LRP6: variants seen among roughly 807,000 people sequenced by gnomAD.
LRP6 encodes the protein LDL receptor related protein 6, also known as low-density lipoprotein receptor-related protein 6.
In LRP6, 43 loss-of-function variants were observed where a neutral mutation model predicts 184.1. The ratio of observed to expected loss-of-function variants is 0.23; its 90% CI spans 0.18 to 0.30. The LOEUF (loss-of-function observed/expected upper bound fraction) is 0.30, where lower values mean the gene tolerates loss of function less well. Ranked by LOEUF, LRP6 falls within the 10% of genes least tolerant of loss-of-function variation. The pLI, the probability that LRP6 is intolerant of heterozygous loss-of-function variation, is 1.00. For missense variants in LRP6, 1,571 were observed against 2,005.3 expected, an observed-to-expected ratio of 0.78 and a Z score of 4.14; for synonymous variants, 719 against 684.9, an observed-to-expected ratio of 1.05 and a Z score of -0.78.
intron 1 of LRP6, among the ~76,000 whole-genome samples, chr12:12,264,543 A>G (rs1406073573): frequency 6.6e-6 from 1 of 152,182 alleles, no homozygotes; most frequent in South Asian, 2.1e-4. Context: ...AAGGTCTCCC[A>G]GACTCTCACA....
chr12:12,205,329 CAAAAAAAAAAAAAAA>C (rs56169717), intron 2 of LRP6, among the ~76,000 whole-genome samples: 4 of 39,106 alleles, frequency 1.0e-4, no homozygotes, highest in East Asian at 1.9e-3. Flanking sequence ...CTCAAACAAA[CAAAAAAAAAAAAAAA>C]AAAAAAAAAA....
At chr12:12,206,840 A>G (rs777943929) in intron 2 of LRP6, among the ~76,000 whole-genome samples, 5 of 152,040 alleles carry the variant, frequency 3.3e-5, no homozygotes, top group Non-Finnish European at 5.9e-5. Flanking sequence ...GCGGTTTGGG[A>G]AAAAACTAGA....
At chr12:12,216,134 G>A (rs866954214) in intron 2 of LRP6, among the ~76,000 whole-genome samples, 3 of 151,986 alleles carry the variant, frequency 2.0e-5, no homozygotes, top group Admixed American at 1.3e-4. Context: ...GTCCTAATTC[G>A]CTGCAACAGA....
chr12:12,179,792 A>C lies in LRP6; in HGVS notation c.1545+18T>G. ...CCATTATAAAAGTGGCTTGAAAATG[A>C]AAAAGCAAAAAACAAACCTCAATCT... On this transcript the variant is annotated intron_variant, in intron 7 of 22. Coordinates refer to ENST00000261349, the MANE Select transcript of LRP6 (RefSeq NM_002336.3). The C allele has an allele frequency of 6.2e-7, 1 of 1,613,304 alleles. No homozygotes were observed. Among genetic ancestry groups the C allele is most frequent in the Middle Eastern group, 1.7e-4 (1 of 6,060 alleles).
At chr12:12,232,108 G>A (rs1864806297) in intron 2 of LRP6, among the ~76,000 whole-genome samples, 1 of 152,034 alleles carries the variant, frequency 6.6e-6, no homozygotes, top group African/African-American at 2.4e-5. Flanking sequence ...GGTCGGCTGG[G>A]CACGGTGGCT....
At chr12:12,125,569 T>A (rs901247730) in intron 20 of LRP6, 137 bp from the exon 21 acceptor site, 4 of 793,744 alleles carry the variant, frequency 5.0e-6, no homozygotes, top group African/African-American at 1.7e-5. Context: ...TCTTTTCCTA[T>A]AATTGAAAAC....
In LRP6 at chr12:12,187,540, C is replaced by T. The variant is rs1863505756; in HGVS notation, c.648-421G>A. Reference sequence around the variant, plus strand: ...GAAAAATCACAGGGGTTACAGTTGGCACTGAAGTAGATTTATATCAGCAAT... The same window carrying T: ...GAAAAATCACAGGGGTTACAGTTGGTACTGAAGTAGATTTATATCAGCAAT... On this transcript the variant is annotated intron_variant, in intron 3 of 22. Transcript: ENST00000261349. The T allele has an allele frequency of 1.3e-5, 3 of 232,228 alleles. No homozygotes were observed. The South Asian group carries it at 1.9e-4, about 15-fold the overall frequency. The allele number at this position is 232,228 out of a possible 1,614,324, so 14.4% of individuals were successfully genotyped here. A position where few individuals can be genotyped will look rare whatever the true frequency, so the allele number is the denominator to read the frequency against.
rs914703791 is a variant in LRP6 at position 12,180,199 on chromosome 12, T to C, written c.1374-218A>G. ...TCAGATCAGTGTGTTCTAGAGCCAATCCTGAAAATGCCTCCCAATAATGAG... is the reference window on the plus strand; with the variant it reads ...TCAGATCAGTGTGTTCTAGAGCCAACCCTGAAAATGCCTCCCAATAATGAG... On this transcript the variant is annotated intron_variant, in intron 6 of 22. Transcript: ENST00000261349. 8.0e-5 allele frequency among the ~76,000 whole-genome samples: 12 copies of C among 150,312 alleles called. No homozygotes were observed. The East Asian group carries it at 2.1e-3, about 27-fold the overall frequency.
chr12:12,189,256 AG>A (rs1863553980), intron 3 of LRP6, among the ~76,000 whole-genome samples: 1 of 152,208 alleles, frequency 6.6e-6, no homozygotes, highest in African/African-American at 2.4e-5. Context: ...TGTCAACGGA[AG>A]GTAATAATCT....
At chr12:12,253,219 G>A (rs527609521) in intron 1 of LRP6, among the ~76,000 whole-genome samples, 13 of 152,260 alleles carry the variant, frequency 8.5e-5, no homozygotes, top group East Asian at 5.8e-4. Flanking sequence ...GGCCAAGATC[G>A]CGCCACTGAA....
intron 1 of LRP6, among the ~76,000 whole-genome samples, chr12:12,262,304 AG>A (rs1254739412): frequency 6.6e-6 from 1 of 152,154 alleles, no homozygotes; most frequent in African/African-American, 2.4e-5. Flanking sequence ...GCTTGAACCC[AG>A]GAGGGAGAGG....
intron 16 of LRP6, 27 bp from the exon 17 acceptor site, chr12:12,135,327 G>A: frequency 1.9e-6 from 3 of 1,573,758 alleles, no homozygotes; most frequent in Non-Finnish European, 2.6e-6. Flanking sequence ...TGAGGATGGG[G>A]AGAGGAGGGG....
At chr12:12,203,498 G>A in intron 2 of LRP6, 98 bp from the exon 3 acceptor site, 1 of 960,488 alleles carries the variant, frequency 1.0e-6, no homozygotes, top group Non-Finnish European at 1.6e-6. Context: ...CGCGCGCAGT[G>A]GCTCACACTT....
chr12:12,186,867 A>AT, intron 4 of LRP6, 56 bp downstream of exon 4: 1 of 1,439,802 alleles, frequency 6.9e-7, no homozygotes, highest in Non-Finnish European at 9.8e-7. Context: ...AAAGCCAGAC[A>AT]TTAGAGTGCT....
chr12:12,220,993 T>A (rs549688571), intron 2 of LRP6, among the ~76,000 whole-genome samples: 3 of 152,206 alleles, frequency 2.0e-5, no homozygotes, highest in Non-Finnish European at 4.4e-5. Context: ...AAGTTTCGTA[T>A]CTTACAACTC....
chr12:12,228,444 C>T (rs1476724036), intron 2 of LRP6, among the ~76,000 whole-genome samples: 1 of 152,156 alleles, frequency 6.6e-6, no homozygotes, highest in African/African-American at 2.4e-5. Context: ...TCAGTTTATG[C>T]AGTGACCCAG....
At chr12:12,228,673 T>G (rs1234904688) in intron 2 of LRP6, among the ~76,000 whole-genome samples, 1 of 152,180 alleles carries the variant, frequency 6.6e-6, no homozygotes, top group Non-Finnish European at 1.5e-5. Context: ...CGAACCTTAT[T>G]GTGAACAGCG....
Position 12,164,197 on chromosome 12 carries a change from AC to A in LRP6, c.2052+75del, listed in dbSNP as rs1591903805. The A allele has an allele frequency of 7.4e-6, 10 of 1,353,350 alleles. No homozygotes were observed. In the East Asian group the frequency reaches 2.3e-4, roughly 31 times the overall value. 83.8% of individuals were successfully genotyped at this position (1,353,350 alleles called of 1,614,324 possible). A position where few individuals can be genotyped will look rare whatever the true frequency, so the allele number is the denominator to read the frequency against. ...TGTCAAACAATGAGGGAGGTGGGTC[AC>A]AGCATGAAGATTCAGAAATTCTAGA... On this transcript the variant is annotated intron_variant, in intron 9 of 22. Coordinates refer to ENST00000261349, the MANE Select transcript of LRP6 (RefSeq NM_002336.3).
At chr12:12,190,637 C>T (rs1279449851) in intron 3 of LRP6, among the ~76,000 whole-genome samples, 2 of 152,148 alleles carry the variant, frequency 1.3e-5, no homozygotes, top group East Asian at 3.8e-4. Context: ...CCTGCATGCC[C>T]TCATTTAGTT....
Sources: allele counts gnomAD v4.1 joint callset (sites outside exome capture counted in the v4.1 genomes callset), GRCh38; gene constraint gnomAD v4.1.1; transcripts MANE v1.5; gene names NCBI Gene and HGNC (gene_info 2026-07-23, HGNC 2026-07-21).